The following VWC2 variants were observed in gnomAD, a reference collection of about 807,000 sequenced individuals.
The protein encoded by VWC2 is von Willebrand factor C domain containing 2.
In VWC2, 14 loss-of-function variants were observed where a neutral mutation model predicts 29.8. The ratio of observed to expected loss-of-function variants is 0.47; its 90% CI spans 0.31 to 0.74. VWC2 has a LOEUF of 0.74. Among genes scored for constraint, VWC2 ranks in the 30% least tolerant of loss-of-function variants. The pLI is 0.05. For synonymous variants in VWC2, 213 were observed against 199.0 expected (o/e 1.07, Z -0.59); for missense variants, 457 against 459.8 (o/e 0.99, Z 0.05).
chr7:49,876,984 A>G (rs1791438182), intron 3 of VWC2, among the ~76,000 whole-genome samples: 1 of 152,068 alleles, frequency 6.6e-6, no homozygotes, highest in African/African-American at 2.4e-5. Context: ...ATATTCAGCC[A>G]CATTTATTCC....
chr7:49,789,493 G>A (rs145668966), intron 2 of VWC2, among the ~76,000 whole-genome samples: 35 of 152,126 alleles, frequency 2.3e-4, no homozygotes, highest in Middle Eastern at 6.8e-3. Flanking sequence ...TACTTGACTG[G>A]TCCCTGAAGA....
chr7:49,787,362 G>T (rs1788322237), intron 2 of VWC2, among the ~76,000 whole-genome samples: 1 of 152,062 alleles, frequency 6.6e-6, no homozygotes, highest in Admixed American at 6.5e-5. Flanking sequence ...AAAAAAGAGA[G>T]CTCAATATTT....
chr7:49,917,354 A>T lies in VWC2; in HGVS notation c.*5169A>T, dbSNP rs1013449501. 6.6e-6 allele frequency: 1 copy of T among 152,194 alleles called. No individual in the cohort carries two copies. The highest frequency in any genetic ancestry group is 2.4e-5 in the African/African-American group (1 of 41,460). 9.4% of individuals were successfully genotyped at this position (152,194 alleles called of 1,614,324 possible). A position where few individuals can be genotyped will look rare whatever the true frequency, so the allele number is the denominator to read the frequency against. On this transcript the variant is annotated 3_prime_UTR_variant, in exon 4 of 4. Transcript: ENST00000340652. The stretch of plus-strand genomic sequence containing the variant: ...AACAAATCCCATTGAATATTAAGTG[A>T]CACTGACAATCACCCTGAAAAGTAT...
chr7:49,835,555 G>A (rs1789637079), intron 3 of VWC2, among the ~76,000 whole-genome samples: 1 of 152,178 alleles, frequency 6.6e-6, no homozygotes, highest in South Asian at 2.1e-4. Flanking sequence ...CTTCAACTAA[G>A]ACCAAGGTGG....
chr7:49,825,990 ACT>A lies in VWC2; in HGVS notation c.826+23153_826+23154del, dbSNP rs572573571. On this transcript the variant is annotated intron_variant, in intron 3 of 3. Coordinates refer to ENST00000340652, the MANE Select transcript of VWC2 (RefSeq NM_198570.5). ...ATTTGCAACTGTTCTGCCAAATCTGACTCTGTCCTTGAGGCAGTAAGACTGTG... is the reference window on the plus strand; with the variant it reads ...ATTTGCAACTGTTCTGCCAAATCTGACTGTCCTTGAGGCAGTAAGACTGTG... Among the ~76,000 whole-genome samples the A allele has an allele frequency of 8.2e-3, 1,248 of 152,134 alleles. 6 individuals are homozygous for A. Among genetic ancestry groups the A allele is most frequent in the Non-Finnish European group, 0.012 (798 of 68,014 alleles).
At chr7:49,809,649 C>T (rs1237877529) in intron 3 of VWC2, among the ~76,000 whole-genome samples, 1 of 152,014 alleles carries the variant, frequency 6.6e-6, no homozygotes, top group African/African-American at 2.4e-5. Flanking sequence ...AATCTGAATA[C>T]AGCACCATAT....
Position 49,863,760 on chromosome 7 carries a change from T to C in VWC2, c.827-48274T>C, listed in dbSNP as rs1562738769. ...TTTCTATTCTCTATTTTGTTTATCC[T>C]GTGCTAATCTGTATTATTTCCTTCC... On this transcript the variant is annotated intron_variant, in intron 3 of 3. Transcript: ENST00000340652. Among the ~76,000 whole-genome samples the C allele has an allele frequency of 1.3e-5, 2 of 152,312 alleles. 1 individual carries two copies. The highest frequency in any genetic ancestry group is 3.9e-4 in the East Asian group (2 of 5,182).
intron 3 of VWC2, among the ~76,000 whole-genome samples, chr7:49,822,144 G>C (rs767256730): frequency 3.3e-5 from 5 of 151,848 alleles, no homozygotes; most frequent in Admixed American, 1.3e-4. Flanking sequence ...CTTTATTTTG[G>C]CTGCATATTT....
chr7:49,855,486 AG>A (rs1490831469), intron 3 of VWC2, among the ~76,000 whole-genome samples: 3 of 152,154 alleles, frequency 2.0e-5, no homozygotes, highest in African/African-American at 7.2e-5. Context: ...GGTATTTCCC[AG>A]GTGAAAGAGG....
At chr7:49,800,626 A>C (rs547417288) in intron 2 of VWC2, among the ~76,000 whole-genome samples, 64 of 152,224 alleles carry the variant, frequency 4.2e-4, no homozygotes, top group African/African-American at 1.5e-3. Flanking sequence ...TTATGCTCTG[A>C]GTCCTTCCAG....
intron 2 of VWC2, among the ~76,000 whole-genome samples, chr7:49,779,969 G>T (rs901066339): frequency 3.3e-5 from 5 of 152,176 alleles, no homozygotes; most frequent in Non-Finnish European, 5.9e-5. Context: ...TTAAAGACCT[G>T]TCTCCAGACA....
At chr7:49,786,782 T>C (rs1788309629) in intron 2 of VWC2, among the ~76,000 whole-genome samples, 1 of 152,240 alleles carries the variant, frequency 6.6e-6, no homozygotes, top group Non-Finnish European at 1.5e-5. Context: ...GTTTGTCTAA[T>C]TTTGAGAAGT....
intron 3 of VWC2, among the ~76,000 whole-genome samples, chr7:49,903,335 A>G (rs1450719743): frequency 2.6e-5 from 4 of 152,212 alleles, no homozygotes; most frequent in Non-Finnish European, 2.9e-5. Flanking sequence ...CTGGAAAAAA[A>G]CAAAATGCCA....
At chr7:49,864,735 T>G (rs1241793118) in intron 3 of VWC2, among the ~76,000 whole-genome samples, 2 of 152,206 alleles carry the variant, frequency 1.3e-5, no homozygotes, top group African/African-American at 4.8e-5. Flanking sequence ...CAATAATTTA[T>G]GAATGCTGTC....
At chr7:49,775,153 A>G (rs761518699) in intron 1 of VWC2, among the ~76,000 whole-genome samples, 180 bp from the exon 2 acceptor site, 1 of 152,136 alleles carries the variant, frequency 6.6e-6, no homozygotes, top group East Asian at 1.9e-4. Flanking sequence ...CTTCCAATGT[A>G]TCGCTCCACA....
intron 3 of VWC2, among the ~76,000 whole-genome samples, chr7:49,833,098 T>C (rs1789574349): frequency 6.6e-6 from 1 of 152,146 alleles, no homozygotes; most frequent in African/African-American, 2.4e-5. Context: ...TGCTGATGCA[T>C]TGCATTTGGG....
At chr7:49,837,768 C>T (rs866191667) in intron 3 of VWC2, among the ~76,000 whole-genome samples, 1 of 151,996 alleles carries the variant, frequency 6.6e-6, no homozygotes, top group Non-Finnish European at 1.5e-5. Context: ...TTCCAGTAGC[C>T]GAGGGGGTGG....
At chr7:49,843,742 A>G (rs191233411) in intron 3 of VWC2, among the ~76,000 whole-genome samples, 5 of 152,346 alleles carry the variant, frequency 3.3e-5, no homozygotes, top group Admixed American at 3.3e-4. Flanking sequence ...TGGGATGAGA[A>G]GCGAAGATTT....
intron 2 of VWC2, among the ~76,000 whole-genome samples, chr7:49,785,854 T>C (rs560314533): frequency 6.6e-6 from 1 of 152,274 alleles, no homozygotes; most frequent in South Asian, 2.1e-4. Flanking sequence ...AAAAGAACTT[T>C]AAAATAAGAG....
Sources: gnomAD v4.1 joint callset for allele counts (sites outside exome capture counted in the v4.1 genomes callset) on GRCh38, gnomAD v4.1.1 for gene constraint, MANE v1.5 for transcripts, NCBI Gene and HGNC (gene_info 2026-07-23, HGNC 2026-07-21) for gene names.